IL1RAPL1: variants seen among roughly 807,000 people sequenced by gnomAD.
IL1RAPL1 encodes interleukin-1 receptor accessory protein-like 1.
A neutral mutation model predicts 48.4 loss-of-function variants in IL1RAPL1; 3 were observed. That is an observed-to-expected ratio of 0.06 (90% CI 0.03 to 0.16). The LOEUF (loss-of-function observed/expected upper bound fraction) is 0.16, where lower values mean the gene tolerates loss of function less well. IL1RAPL1 is among the 10% of genes least tolerant of loss of function. IL1RAPL1 has a pLI of 1.00. For missense variants in IL1RAPL1, 349 were observed against 530.6 expected, an observed-to-expected ratio of 0.66 and a Z score of 3.36; for synonymous variants, 185 against 187.7, an observed-to-expected ratio of 0.99 and a Z score of 0.12.
At chrX:28,739,388 C>T (rs953861330) in intron 1 of IL1RAPL1, among the ~76,000 whole-genome samples, 2 of 111,604 alleles carry the variant, frequency 1.8e-5, no homozygotes, top group Non-Finnish European at 3.8e-5. Flanking sequence ...GCAGTGATCT[C>T]GCTGTCTTTA....
intron 6 of IL1RAPL1, among the ~76,000 whole-genome samples, chrX:29,724,215 G>T (rs1168035740): frequency 2.7e-5 from 3 of 111,378 alleles, no homozygotes; most frequent in Non-Finnish European, 3.8e-5. Context: ...TAGCTCTTCG[G>T]TCTGCTCCCA....
At chrX:29,953,882 G>A (rs1194168632) in intron 9 of IL1RAPL1, among the ~76,000 whole-genome samples, 1 of 97,212 alleles carries the variant, frequency 1.0e-5, no homozygotes, top group Admixed American at 1.1e-4. Context: ...AGAGCATACT[G>A]ATATCCAAAC....
intron 1 of IL1RAPL1, among the ~76,000 whole-genome samples, chrX:28,772,929 C>A (rs184698117): frequency 8.9e-6 from 1 of 111,915 alleles, no homozygotes; most frequent in African/African-American, 3.2e-5. Context: ...CAACTATCTA[C>A]CTGCTCCTCA....
chrX:28,659,289 G>C, intron 1 of IL1RAPL1: 2 of 556,194 alleles, frequency 3.6e-6, no homozygotes, highest in Non-Finnish European at 6.5e-6. Flanking sequence ...TTGTGAATCA[G>C]AAGTTCAGTG....
chrX:29,568,385 TAATGA>T (rs759694796), intron 5 of IL1RAPL1, among the ~76,000 whole-genome samples: 28 of 109,400 alleles, frequency 2.6e-4, no homozygotes, highest in Non-Finnish European at 4.0e-4. Context: ...AATATAAGAA[TAATGA>T]AATAGATTAA....
chrX:28,853,714 C>G (rs1569186292), intron 2 of IL1RAPL1, among the ~76,000 whole-genome samples: 1 of 111,247 alleles, frequency 9.0e-6, no homozygotes, highest in Non-Finnish European at 1.9e-5. Flanking sequence ...ATTTATTTAT[C>G]CAGGAATCAC....
At chrX:28,639,266 T>C (rs1288908163) in intron 1 of IL1RAPL1, among the ~76,000 whole-genome samples, 2 of 111,963 alleles carry the variant, frequency 1.8e-5, no homozygotes, top group African/African-American at 6.5e-5. Flanking sequence ...TATATATTCA[T>C]TCATTAGTCC....
At position 29,955,835 on chromosome X, in the gene IL1RAPL1, A is replaced by G; in HGVS notation, c.*15A>G. The G allele has an allele frequency of 8.6e-7, 1 of 1,169,311 alleles. No individual in the cohort carries two copies. The highest frequency in any genetic ancestry group is 3.0e-5 in the East Asian group (1 of 33,655). The stretch of plus-strand genomic sequence containing the variant: ...TGATATGGTGACAGAAAAGCAAGGG[A>G]CATCCCGTCCCTGGGAGGTTGAGTG... On this transcript the variant is annotated 3_prime_UTR_variant, in exon 11 of 11. Transcript: ENST00000378993.
intron 1 of IL1RAPL1, among the ~76,000 whole-genome samples, chrX:28,728,284 C>T (rs1247367976): frequency 9.0e-6 from 1 of 111,291 alleles, no homozygotes; most frequent in South Asian, 3.8e-4. Flanking sequence ...AGAAAGATTA[C>T]GTTTTCAACA....
At chrX:29,222,814 A>G (rs1293476201) in intron 2 of IL1RAPL1, among the ~76,000 whole-genome samples, 1 of 111,570 alleles carries the variant, frequency 9.0e-6, no homozygotes, top group Non-Finnish European at 1.9e-5. Flanking sequence ...CAGGGCTGGC[A>G]TCTTTTAAAG....
At chrX:29,366,244 AT>A (rs1420337829) in intron 3 of IL1RAPL1, among the ~76,000 whole-genome samples, 1 of 110,678 alleles carries the variant, frequency 9.0e-6, no homozygotes, top group Admixed American at 9.8e-5. Flanking sequence ...AAGTCTGAGA[AT>A]TTTTCTAAGG....
rs368730064 is a variant in IL1RAPL1 at position 28,948,963 on chromosome X, A to G, written c.82+159538A>G. On this transcript the variant is annotated intron_variant, in intron 2 of 10. Transcript: ENST00000378993. ...TCCTTCTGAAAATATCTTGTTGTAC[A>G]TTCCCACGGGCAACTGAAACCACGG... Among the ~76,000 whole-genome samples the G allele has an allele frequency of 2.7e-5, 3 of 111,520 alleles. No individual in the cohort carries two copies. In the East Asian group the frequency reaches 8.5e-4, roughly 32 times the overall value.
intron 8 of IL1RAPL1, among the ~76,000 whole-genome samples, chrX:29,940,902 C>G (rs1933115243): frequency 9.0e-6 from 1 of 111,360 alleles, no homozygotes; most frequent in South Asian, 3.8e-4. Flanking sequence ...AAAACACCAC[C>G]AACATATTCA....
intron 2 of IL1RAPL1, among the ~76,000 whole-genome samples, chrX:28,944,027 T>C (rs1336212993): frequency 1.8e-5 from 2 of 111,341 alleles, no homozygotes; most frequent in Non-Finnish European, 3.8e-5. Context: ...CATGTGGACG[T>C]ATTTTGTAAA....
Position 29,713,593 on chromosome X carries a change from CG to C in IL1RAPL1, c.778+45093del, listed in dbSNP as rs201925675. ...TACTGAATCAAAAACTCAGTGTTGG[CG>C]GGGTGGAGTAGCAAGGTGTGGTTTA... On this transcript the variant is annotated intron_variant, in intron 6 of 10. Coordinates refer to ENST00000378993, the MANE Select transcript of IL1RAPL1 (RefSeq NM_014271.4). Among the ~76,000 whole-genome samples, 760 of 111,244 alleles carry C rather than the reference CG, an allele frequency of 6.8e-3. 6 individuals are homozygous for C. Among genetic ancestry groups the C allele is most frequent in the African/African-American group, 0.024 (727 of 30,631 alleles).
At position 29,232,966 on chromosome X, in the gene IL1RAPL1, T is replaced by G. The variant is rs1476896468; in HGVS notation, c.83-49972T>G. On this transcript the variant is annotated intron_variant, in intron 2 of 10. Coordinates refer to ENST00000378993, the MANE Select transcript of IL1RAPL1 (RefSeq NM_014271.4). ...GGCACCCGCCACCGCACCCAGCTAA[T>G]TTTTATATTTTTAACAGAGACAGGG... Among the ~76,000 whole-genome samples the G allele has an allele frequency of 2.7e-5, 3 of 109,402 alleles. No homozygotes were observed. In the East Asian group the frequency reaches 8.7e-4, roughly 32 times the overall value.
Position 29,447,361 on chromosome X carries a change from C to CA in IL1RAPL1, c.703+48065dup, listed in dbSNP as rs201133185. On this transcript the variant is annotated intron_variant, in intron 5 of 10. Coordinates refer to ENST00000378993, the MANE Select transcript of IL1RAPL1 (RefSeq NM_014271.4). ...AAAAGATGTTTCATTCATTGCTTTC[C>CA]AAAAAAAAAAAAGCAAAATAATTTA... Among the ~76,000 whole-genome samples, 133 of 87,171 alleles carry CA rather than the reference C, an allele frequency of 1.5e-3. 1 individual carries two copies. The highest frequency in any genetic ancestry group is 2.3e-3 in the African/African-American group (57 of 24,433). 75.7% of individuals were successfully genotyped at this position (87,171 alleles called of 115,157 possible). A position where few individuals can be genotyped will look rare whatever the true frequency, so the allele number is the denominator to read the frequency against.
In IL1RAPL1 at chrX:29,688,728, TTCTC is replaced by T. The variant is rs71811113; in HGVS notation, c.778+20248_778+20251del. Among the ~76,000 whole-genome samples, 293 of 74,704 alleles carry T rather than the reference TTCTC, an allele frequency of 3.9e-3. 1 individual carries two copies. Among genetic ancestry groups the T allele is most frequent in the African/African-American group, 0.012 (254 of 21,633 alleles). The allele number at this position is 74,704 out of a possible 115,157, so 64.9% of individuals were successfully genotyped here. A position where few individuals can be genotyped will look rare whatever the true frequency, so the allele number is the denominator to read the frequency against. ...CTCATTCAATAATTATCAGGGTTGC[TTCTC>T]TCTCTCTCTCTCTCTCTCTCTCTGT... On this transcript the variant is annotated intron_variant, in intron 6 of 10. Transcript: ENST00000378993.
intron 2 of IL1RAPL1, among the ~76,000 whole-genome samples, chrX:29,155,879 A>G (rs955608256): frequency 9.0e-6 from 1 of 111,342 alleles, no homozygotes; most frequent in East Asian, 2.8e-4. Flanking sequence ...TATAAGCAGT[A>G]CAATGTAATA....
Sources: allele counts gnomAD v4.1 joint callset (sites outside exome capture counted in the v4.1 genomes callset), GRCh38; gene constraint gnomAD v4.1.1; transcripts MANE v1.5; gene names NCBI Gene and HGNC (gene_info 2026-07-23, HGNC 2026-07-21).